The following CEP104 variants were observed in gnomAD, a reference collection of about 807,000 sequenced individuals.
CEP104 encodes the protein centrosomal protein 104.
CEP104 carries 84 observed loss-of-function variants against 113.3 expected under a neutral mutation model. The ratio of observed to expected loss-of-function variants is 0.74; its 90% CI spans 0.62 to 0.89. The LOEUF (loss-of-function observed/expected upper bound fraction) is 0.89, where lower values mean the gene tolerates loss of function less well. Ranked by LOEUF, CEP104 falls within the 40% of genes least tolerant of loss-of-function variation. The pLI, the probability that CEP104 is intolerant of heterozygous loss-of-function variation, is 0.00. For synonymous variants in CEP104, 378 were observed against 421.7 expected, an observed-to-expected ratio of 0.90 and a Z score of 1.27; for missense variants, 1,053 against 1,156.6, an observed-to-expected ratio of 0.91 and a Z score of 1.30.
chr1:3,833,795 G>A, intron 12 of CEP104, 67 bp downstream of exon 12: 2 of 1,478,124 alleles, frequency 1.4e-6, no homozygotes, highest in Non-Finnish European at 1.9e-6. Flanking sequence ...AAGGTGTTAA[G>A]AAAGCCAGAG....
intron 2 of CEP104, among the ~76,000 whole-genome samples, chr1:3,849,922 A>G (rs996569855): frequency 6.6e-6 from 1 of 152,222 alleles, no homozygotes; most frequent in African/African-American, 2.4e-5. Context: ...TGCATGAGAC[A>G]GCGGTCCCAT....
rs116628534 is a variant in CEP104, at chr1:3,853,273, A to C, written c.-14-852T>G. On this transcript the variant is annotated intron_variant, in intron 1 of 21. Coordinates refer to ENST00000378230, the MANE Select transcript of CEP104 (RefSeq NM_014704.4). ...ATTAAGTACAAAAAGGTTCATGCAG[A>C]GTTAGGTTGAGGGACTGACTCACAG... is the stretch of plus-strand genomic sequence containing the variant. 6.0e-3 allele frequency among the ~76,000 whole-genome samples: 907 copies of C among 152,318 alleles called. 10 individuals are homozygous for C. The highest frequency in any genetic ancestry group is 0.02 in the African/African-American group (844 of 41,576).
intron 13 of CEP104, 70 bp from the exon 14 acceptor site, chr1:3,830,067 G>C: frequency 8.7e-7 from 1 of 1,143,404 alleles, no homozygotes; most frequent in South Asian, 1.3e-5. Context: ...TACAAAAAAG[G>C]TACATTATAA....
chr1:3,823,580 G>C lies in CEP104; in HGVS notation c.2365-18C>G, dbSNP rs571204315. On this transcript the variant is annotated intron_variant, in intron 18 of 21. Coordinates refer to ENST00000378230, the MANE Select transcript of CEP104 (RefSeq NM_014704.4). The surrounding 1 kb of genome is among the most constrained non-coding windows in gnomAD (Gnocchi z 4.1). ...TCGACCACCTGGATTTCGAAATACA[G>C]AGCAAAGCATGTTGCTGAGAAAGCG... 2.5e-5 allele frequency: 41 copies of C among 1,614,176 alleles called. No homozygotes were observed. In the South Asian group the frequency reaches 4.1e-4, roughly 16 times the overall value.
intron 20 of CEP104, among the ~76,000 whole-genome samples, chr1:3,821,735 G>C (rs1426501034): frequency 6.6e-6 from 1 of 152,226 alleles, no homozygotes; most frequent in African/African-American, 2.4e-5. Context: ...AGGAAATACA[G>C]GGACAGAGAA....
At position 3,812,921 on chromosome 1, in the gene CEP104, G is replaced by C. The variant is rs1251873349; in HGVS notation, c.*2481C>G. The C allele has an allele frequency of 1.3e-5, 2 of 152,062 alleles. No individual in the cohort carries two copies. The highest frequency in any genetic ancestry group is 2.9e-5 in the Non-Finnish European group (2 of 68,020). 9.4% of individuals were successfully genotyped at this position (152,062 alleles called of 1,614,324 possible). A position where few individuals can be genotyped will look rare whatever the true frequency, so the allele number is the denominator to read the frequency against. On this transcript the variant is annotated 3_prime_UTR_variant, in exon 22 of 22. Transcript: ENST00000378230. ...CCTGTAACTAACAAAAGAGGAACCTGTTTTAAATGAACCCGTTTGCTTGTC... is the reference window on the plus strand; with the variant it reads ...CCTGTAACTAACAAAAGAGGAACCTCTTTTAAATGAACCCGTTTGCTTGTC...
intron 15 of CEP104, among the ~76,000 whole-genome samples, chr1:3,827,271 G>A (rs1644110106): frequency 6.6e-6 from 1 of 152,158 alleles, no homozygotes; most frequent in Non-Finnish European, 1.5e-5. Flanking sequence ...TAGGTTGGAA[G>A]TGGTACAAAC....
intron 11 of CEP104, among the ~76,000 whole-genome samples, chr1:3,834,539 T>G (rs4648418): frequency 0.3 from 46,391 of 152,152 alleles, 8,306 homozygotes; most frequent in African/African-American, 0.49. Flanking sequence ...CAATGTCCAT[T>G]CTTAAGGCCC....
rs1006169146 is a variant in CEP104, at chr1:3,830,483, T to C, written c.1837-486A>G. On this transcript the variant is annotated intron_variant, in intron 13 of 21. Transcript: ENST00000378230. ...TCCATCACACTGCTGTTATTGTCTCTTAAAGACAGGCCGGGCGCAGTGGCT... is the reference window on the plus strand; with the variant it reads ...TCCATCACACTGCTGTTATTGTCTCCTAAAGACAGGCCGGGCGCAGTGGCT... Among the ~76,000 whole-genome samples the C allele has an allele frequency of 6.6e-5, 10 of 152,284 alleles. 1 individual carries two copies. The South Asian group carries it at 2.1e-3, about 32-fold the overall frequency.
In CEP104 at chr1:3,852,314, T is replaced by G; in HGVS notation, c.94A>C (p.Ser32Arg). The G allele has an allele frequency of 6.2e-7, 1 of 1,613,190 alleles. No homozygotes were observed. The highest frequency in any genetic ancestry group is 8.5e-7 in the Non-Finnish European group (1 of 1,179,508). The part of the protein sequence containing the change: ...RELMIHAPTV[S>R]GWRSPRFCQF... ...CCTCACCTAGGTGACCGCCACCCAC[T>G]GACAGTTGGCGCGTGGATCATGAGC... is the stretch of plus-strand genomic sequence containing the variant. The change falls in exon 2 of 22, where the codon AGT becomes CGT. Residue 32 changes from serine (S) to arginine (R), a missense_variant. Ser to Arg is a moderately radical substitution (Grantham distance 110, BLOSUM62 -1). Transcript: ENST00000378230.
At chr1:3,832,421 ACCAGGAGTGTAGCGTAGGT>A (rs1450542854) in intron 12 of CEP104, among the ~76,000 whole-genome samples, 9 of 111,510 alleles carry the variant, frequency 8.1e-5, no homozygotes, top group Non-Finnish European at 1.7e-4. Flanking sequence ...GTAGGTCCTG[ACCAGGAGTGTAGCGTAGGT>A]CGTGACCAGG....
chr1:3,826,240 G>A lies in CEP104; in HGVS notation c.2255+130C>T, dbSNP rs1644088335. 1.3e-5 allele frequency: 10 copies of A among 747,362 alleles called. No individual in the cohort carries two copies. In the South Asian group the frequency reaches 1.5e-4, roughly 11 times the overall value. 46.3% of individuals were successfully genotyped at this position (747,362 alleles called of 1,614,324 possible). A position where few individuals can be genotyped will look rare whatever the true frequency, so the allele number is the denominator to read the frequency against. On this transcript the variant is annotated intron_variant, in intron 17 of 21. Transcript: ENST00000378230. Reference sequence around the variant, plus strand: ...CTCGGAGTGGATGCTGGTTAGTGCAGAAGGCACATTTCCTACCTTTTATGA... The same window carrying A: ...CTCGGAGTGGATGCTGGTTAGTGCAAAAGGCACATTTCCTACCTTTTATGA...
chr1:3,834,897 G>GGAGCCA, intron 11 of CEP104, 28 bp downstream of exon 11: 1 of 1,557,752 alleles, frequency 6.4e-7, no homozygotes, highest in Non-Finnish European at 8.7e-7. Context: ...CATGCACGCT[G>GGAGCCA]GAGCCAGCGC....
In CEP104 at chr1:3,845,325, A is replaced by G; in HGVS notation, c.453T>C (p.Ile151=). The G allele has an allele frequency of 6.2e-7, 1 of 1,609,676 alleles. No individual in the cohort carries two copies. Among genetic ancestry groups the G allele is most frequent in the Non-Finnish European group, 8.5e-7 (1 of 1,176,800 alleles). The stretch of plus-strand genomic sequence containing the variant: ...CATCACTGAAATCTGCAGGGTCTCC[A>G]ATGATATTTATGGCAACCAAAGCAA... ...NQVALVAINI[I]GDPADFSDES... The change falls in exon 5 of 22, where the codon ATT becomes ATC. Residue 151 remains isoleucine, a synonymous_variant. Coordinates refer to ENST00000378230, the MANE Select transcript of CEP104 (RefSeq NM_014704.4).
At chr1:3,817,513 C>T (rs533638593) in intron 20 of CEP104, among the ~76,000 whole-genome samples, 8 of 152,288 alleles carry the variant, frequency 5.3e-5, no homozygotes, top group Admixed American at 2.6e-4. Flanking sequence ...AGAGCGCTTG[C>T]AGCCCCAGCC....
At position 3,829,955 on chromosome 1, in the gene CEP104, C is replaced by T. The variant is rs750473230; in HGVS notation, c.1879G>A (p.Glu627Lys). The T allele has an allele frequency of 3.5e-5, 56 of 1,614,054 alleles. No individual in the cohort carries two copies. The highest frequency in any genetic ancestry group is 4.5e-5 in the Non-Finnish European group (53 of 1,180,046). ...ALEHRVYEVR[E>K]TAVRIILDMY... The stretch of plus-strand genomic sequence containing the variant: ...TCCAAAATAATTCGAACCGCCGTCT[C>T]GCGGACCTCATACACTCTATGCTCC... Residue 627 changes from glutamate (E) to lysine (K), a missense_variant, in exon 14 of 22, where the codon GAG becomes AAG. By Grantham distance (56) the Glu-to-Lys change is moderately conservative. Transcript: ENST00000378230.
intron 1 of CEP104, among the ~76,000 whole-genome samples, chr1:3,855,524 C>T (rs922342675): frequency 6.6e-6 from 1 of 152,024 alleles, no homozygotes; most frequent in African/African-American, 2.4e-5. Flanking sequence ...AAATATAGGA[C>T]CTTTTCAGTC....
intron 12 of CEP104, among the ~76,000 whole-genome samples, chr1:3,832,915 A>G (rs1042089628): frequency 6.6e-6 from 1 of 151,866 alleles, no homozygotes; most frequent in Non-Finnish European, 1.5e-5. Context: ...TCCTGGGCCC[A>G]AATGATCTGC....
intron 2 of CEP104, among the ~76,000 whole-genome samples, chr1:3,849,886 C>T (rs917646018): frequency 5.9e-5 from 9 of 151,960 alleles, no homozygotes; most frequent in Non-Finnish European, 7.4e-5. Flanking sequence ...ACCGGCAAAG[C>T]TTTGAAGTTG....
Sources: gnomAD v4.1 joint callset for allele counts (sites outside exome capture counted in the v4.1 genomes callset) on GRCh38, gnomAD v4.1.1 for gene constraint, Gnocchi (gnomAD v3.1) non-coding constraint, MANE v1.5 for transcripts, NCBI Gene and HGNC (gene_info 2026-07-23, HGNC 2026-07-21) for gene names.